DNM3: variants seen among roughly 807,000 people sequenced by gnomAD.
DNM3 encodes the protein dynamin 3, also known as dynamin-3.
Under a neutral mutation model 101.6 loss-of-function variants are expected in DNM3, and 47 were observed. The observed-to-expected ratio is 0.46, with a 90% CI of 0.37 to 0.59. The LOEUF is 0.59. DNM3 is among the 20% of genes least tolerant of loss of function. The pLI is 0.00. For missense variants in DNM3, 849 were observed against 1,085.7 expected (o/e 0.78, Z 3.06); for synonymous variants, 385 against 387.9 (o/e 0.99, Z 0.09).
At chr1:172,064,450 T>A (rs2125922796) in intron 10 of DNM3, among the ~76,000 whole-genome samples, 1 of 152,164 alleles carries the variant, frequency 6.6e-6, no homozygotes, top group Admixed American at 6.5e-5. Flanking sequence ...CAATCAAAGT[T>A]AAGTATGTTT....
intron 18 of DNM3, 90 bp from the exon 19 acceptor site, chr1:172,387,043 T>C (rs2069223656): frequency 2.7e-6 from 3 of 1,119,926 alleles, no homozygotes; most frequent in Non-Finnish European, 4.0e-6. Flanking sequence ...TGGTGGACTT[T>C]GTCCAGACTC....
intron 17 of DNM3, chr1:172,339,165 T>C (rs993112634): frequency 5.3e-6 from 2 of 376,230 alleles, no homozygotes; most frequent in Non-Finnish European, 5.2e-6. Context: ...AAGCTTTTCC[T>C]CTTGGGATTA....
chr1:172,339,828 C>G (rs528121681), intron 17 of DNM3, among the ~76,000 whole-genome samples: 4 of 152,306 alleles, frequency 2.6e-5, no homozygotes, highest in African/African-American at 9.6e-5. Flanking sequence ...GTCATGATTT[C>G]TGTTCTTAAG....
At chr1:172,413,606 A>AATAG (rs1298135558), downstream of DNM3, among the ~76,000 whole-genome samples, 2 of 152,208 alleles carry the variant, frequency 1.3e-5, no homozygotes, top group African/African-American at 4.8e-5. Context: ...GTTTCCAGAG[A>AATAG]ATAGAGGAAG....
chr1:172,187,241 C>T (rs193030818), intron 14 of DNM3, among the ~76,000 whole-genome samples: 17 of 152,132 alleles, frequency 1.1e-4, no homozygotes, highest in South Asian at 2.1e-4. Context: ...ACACCACTTA[C>T]GCTTTGTATC....
At chr1:171,846,211 T>C (rs2032067324) in intron 1 of DNM3, among the ~76,000 whole-genome samples, 1 of 146,244 alleles carries the variant, frequency 6.8e-6, no homozygotes, top group African/African-American at 2.6e-5. Flanking sequence ...ATTAACATTA[T>C]ATAATATACT....
intron 14 of DNM3, among the ~76,000 whole-genome samples, chr1:172,231,671 A>T (rs575949649): frequency 6.6e-6 from 1 of 152,326 alleles, no homozygotes; most frequent in Non-Finnish European, 1.5e-5. Flanking sequence ...GTTCGAACCC[A>T]TGGCAAAGAA....
intron 17 of DNM3, chr1:172,376,454 T>C (rs1180568179): frequency 6.6e-6 from 1 of 151,972 alleles, no homozygotes; most frequent in African/African-American, 2.4e-5. Flanking sequence ...AAAGAAAAAA[T>C]ATAGTCATAC....
At chr1:172,259,765 C>A (rs1162580284) in intron 15 of DNM3, among the ~76,000 whole-genome samples, 1 of 152,012 alleles carries the variant, frequency 6.6e-6, no homozygotes, top group Non-Finnish European at 1.5e-5. Context: ...CATGTGAGGG[C>A]TTCTTATCAT....
chr1:172,302,793 T>G (rs574306687), intron 15 of DNM3, among the ~76,000 whole-genome samples: 1 of 152,218 alleles, frequency 6.6e-6, no homozygotes, highest in Admixed American at 6.5e-5. Context: ...GGGACCTGAC[T>G]GTTAGAAAGA....
chr1:172,407,492 C>T (rs10752946), intron 20 of DNM3, among the ~76,000 whole-genome samples: 71,238 of 151,814 alleles, frequency 0.47, 19,407 homozygotes, highest in East Asian at 0.63. Flanking sequence ...ATGTGCAGTA[C>T]GTTTCAGATG....
intron 1 of DNM3, among the ~76,000 whole-genome samples, chr1:171,918,643 A>G (rs1265386487): frequency 7.2e-5 from 11 of 152,328 alleles, no homozygotes; most frequent in African/African-American, 2.6e-4. Context: ...TATATCTGTC[A>G]GTGGTAGGAC....
rs114404224 is a variant in DNM3, at chr1:172,418,324, T to A, written c.*7T>A. 1,344 of 1,288,818 alleles carry A rather than the reference T, an allele frequency of 1.0e-3. 21 individuals are homozygous for A. In the African/African-American group the frequency reaches 0.018, roughly 17 times the overall value. The allele number at this position is 1,288,818 out of a possible 1,614,324, so 79.8% of individuals were successfully genotyped here. A position where few individuals can be genotyped will look rare whatever the true frequency, so the allele number is the denominator to read the frequency against. On this transcript the variant is annotated 3_prime_UTR_variant, in exon 21 of 21. Coordinates refer to the DNM3 transcript ENST00000485254. The stretch of plus-strand genomic sequence containing the variant: ...TCCAGGACGACCATCCTAACCCCCA[T>A]CATTCATCTCCTTTTGTTTCCAACA...
chr1:172,115,349 A>T (rs1452658372), intron 13 of DNM3, among the ~76,000 whole-genome samples: 2 of 151,930 alleles, frequency 1.3e-5, no homozygotes, highest in African/African-American at 4.8e-5. Context: ...AAGCTCCATC[A>T]TCTCTCACCT....
intron 14 of DNM3, among the ~76,000 whole-genome samples, chr1:172,203,748 G>A (rs1442125599): frequency 1.3e-5 from 2 of 152,152 alleles, no homozygotes; most frequent in Non-Finnish European, 2.9e-5. Flanking sequence ...TAAATAGTGT[G>A]TTCTATATGG....
intron 16 of DNM3, among the ~76,000 whole-genome samples, chr1:172,313,334 T>A (rs1490603396): frequency 6.6e-6 from 1 of 152,204 alleles, no homozygotes; most frequent in Non-Finnish European, 1.5e-5. Flanking sequence ...ATTAGACAAC[T>A]TTTAAAAGAT....
chr1:171,982,358 A>C (rs1026491180), intron 2 of DNM3, among the ~76,000 whole-genome samples: 1 of 152,194 alleles, frequency 6.6e-6, no homozygotes, highest in African/African-American at 2.4e-5. Context: ...CATAGAGACA[A>C]GAGGACACAG....
rs557774786 is a variant in DNM3 at position 172,161,816 on chromosome 1, A to G, written c.1659+30528A>G. Among the ~76,000 whole-genome samples the G allele has an allele frequency of 3.9e-5, 6 of 152,236 alleles. No individual in the cohort carries two copies. The South Asian group carries it at 1.2e-3, about 32-fold the overall frequency. The stretch of plus-strand genomic sequence containing the variant: ...AAACTAGTATAAACTGCTACCAGAG[A>G]CATAGATTGAGCAAAAGAATGAACT... On this transcript the variant is annotated intron_variant, in intron 14 of 20. Coordinates refer to ENST00000627582, the MANE Select transcript of DNM3 (RefSeq NM_015569.5).
At chr1:172,003,566 C>T (rs1342080885) in intron 4 of DNM3, among the ~76,000 whole-genome samples, 1 of 151,484 alleles carries the variant, frequency 6.6e-6, no homozygotes, top group African/African-American at 2.4e-5. Flanking sequence ...CCTCTTTTTC[C>T]TCTATTTCTT....
Sources: allele counts gnomAD v4.1 joint callset (sites outside exome capture counted in the v4.1 genomes callset), GRCh38; gene constraint gnomAD v4.1.1; transcripts MANE v1.5; gene names NCBI Gene and HGNC (gene_info 2026-07-23, HGNC 2026-07-21).